SPAG16: variants seen among roughly 807,000 people sequenced by gnomAD.
SPAG16 encodes sperm associated antigen 16.
Under a neutral mutation model 80.4 loss-of-function variants are expected in SPAG16, and 86 were observed. The observed-to-expected ratio is 1.07, with a 90% CI of 0.90 to 1.28. The LOEUF (loss-of-function observed/expected upper bound fraction) is 1.28. Among genes scored for constraint, SPAG16 ranks in the 50% most tolerant of loss-of-function variants. SPAG16 has a pLI of 0.00. For missense variants in SPAG16, 870 were observed against 765.3 expected (o/e 1.14, Z -1.61); for synonymous variants, 294 against 265.9 (o/e 1.11, Z -1.03).
chr2:213,766,623 G>A (rs966561156), intron 10 of SPAG16, among the ~76,000 whole-genome samples: 4 of 152,102 alleles, frequency 2.6e-5, no homozygotes, highest in South Asian at 2.1e-4. Context: ...TCTCAGTGTC[G>A]AGAAAGCACC....
At chr2:213,475,529 A>G (rs2073324683) in intron 9 of SPAG16, among the ~76,000 whole-genome samples, 1 of 152,132 alleles carries the variant, frequency 6.6e-6, no homozygotes, top group South Asian at 2.1e-4. Flanking sequence ...CTAATCTTGA[A>G]TTTGAAGCAT....
intron 15 of SPAG16, among the ~76,000 whole-genome samples, chr2:214,247,985 A>G (rs1689971418): frequency 6.6e-6 from 1 of 152,082 alleles, no homozygotes; most frequent in South Asian, 2.1e-4. Context: ...CCATGATCAC[A>G]CTATTACACT....
chr2:213,370,462 T>C (rs1390166898), intron 8 of SPAG16, among the ~76,000 whole-genome samples: 3 of 152,188 alleles, frequency 2.0e-5, no homozygotes, highest in Non-Finnish European at 4.4e-5. Flanking sequence ...AAAATTGTTT[T>C]CATATTAAGA....
At chr2:213,664,185 G>A (rs1451184353) in intron 10 of SPAG16, among the ~76,000 whole-genome samples, 1 of 152,036 alleles carries the variant, frequency 6.6e-6, no homozygotes, top group Non-Finnish European at 1.5e-5. Flanking sequence ...TGACCCGTTG[G>A]TATCCACTTT....
chr2:214,205,932 A>G (rs1441492674), intron 15 of SPAG16, among the ~76,000 whole-genome samples: 1 of 152,112 alleles, frequency 6.6e-6, no homozygotes, highest in Non-Finnish European at 1.5e-5. Context: ...GCAGTGGCTG[A>G]CACCTGTAGT....
chr2:213,756,095 A>G (rs1013031758), intron 10 of SPAG16, among the ~76,000 whole-genome samples: 2 of 152,226 alleles, frequency 1.3e-5, no homozygotes, highest in East Asian at 3.8e-4. Context: ...GTCAGAGTGA[A>G]CATAACAAAT....
At chr2:214,264,453 T>C (rs945235833) in intron 15 of SPAG16, among the ~76,000 whole-genome samples, 1 of 152,168 alleles carries the variant, frequency 6.6e-6, no homozygotes. Context: ...TTTTTTTATT[T>C]AATAGACTTT....
intron 11 of SPAG16, among the ~76,000 whole-genome samples, chr2:213,875,108 AT>A (rs5838401): frequency 0.59 from 86,054 of 145,386 alleles, 26,713 homozygotes; most frequent in South Asian, 0.84. Context: ...CATCAAACTA[AT>A]TTTTTTTTTT....
chr2:214,292,043 GT>G (rs755224047), intron 15 of SPAG16, among the ~76,000 whole-genome samples: 3 of 151,382 alleles, frequency 2.0e-5, no homozygotes, highest in East Asian at 1.9e-4. Flanking sequence ...TGGGAAGTTT[GT>G]TTTTTTTTAA....
At chr2:213,457,769 G>A (rs546302106) in intron 9 of SPAG16, among the ~76,000 whole-genome samples, 1 of 152,154 alleles carries the variant, frequency 6.6e-6, no homozygotes, top group African/African-American at 2.4e-5. Flanking sequence ...CTGTCTGACA[G>A]CATACTTATT....
chr2:214,408,413 G>A (rs1353784475), intron 15 of SPAG16, among the ~76,000 whole-genome samples: 1 of 152,068 alleles, frequency 6.6e-6, no homozygotes, highest in Non-Finnish European at 1.5e-5. Flanking sequence ...AGTAGAAAAT[G>A]GTTTATAATA....
chr2:214,139,142 T>C (rs1054924458), intron 14 of SPAG16, among the ~76,000 whole-genome samples: 3 of 152,260 alleles, frequency 2.0e-5, no homozygotes, highest in African/African-American at 7.2e-5. Context: ...GTTTTCCTCT[T>C]TATTTCTTGT....
chr2:213,315,536 C>T (rs958192690), intron 4 of SPAG16, among the ~76,000 whole-genome samples: 5 of 151,972 alleles, frequency 3.3e-5, no homozygotes, highest in Non-Finnish European at 4.4e-5. Context: ...AAGAGAAGAA[C>T]CGCCCTAGAT....
Position 214,102,869 on chromosome 2 carries a change from G to A in SPAG16, c.1528-5327G>A, listed in dbSNP as rs549582709. ...AAGAAAGGAAAATTCGTTTGGAAGA[G>A]ACCTAAGCGGGCTCATGAAGGATCA... On this transcript the variant is annotated intron_variant, in intron 13 of 15. Transcript: ENST00000331683. Among the ~76,000 whole-genome samples the A allele has an allele frequency of 3.9e-5, 6 of 152,214 alleles. No individual in the cohort carries two copies. In the South Asian group the frequency reaches 1.2e-3, roughly 32 times the overall value.
At chr2:214,212,330 C>T (rs1384080324) in intron 15 of SPAG16, among the ~76,000 whole-genome samples, 2 of 152,098 alleles carry the variant, frequency 1.3e-5, no homozygotes, top group African/African-American at 4.8e-5. Context: ...AAGTTTTACT[C>T]AAGTATCACC....
intron 8 of SPAG16, among the ~76,000 whole-genome samples, chr2:213,366,015 G>A (rs1425222394): frequency 2.3e-4 from 34 of 148,756 alleles, no homozygotes; most frequent in East Asian, 2.2e-3. Context: ...AGTGGCGGGC[G>A]CCTGTAGTCC....
chr2:213,973,241 A>G (rs1275647126), intron 12 of SPAG16, among the ~76,000 whole-genome samples: 5 of 152,074 alleles, frequency 3.3e-5, no homozygotes, highest in Non-Finnish European at 1.5e-5. Flanking sequence ...CTCATTTCCC[A>G]AAGAAATTAC....
chr2:213,751,929 C>T lies in SPAG16; in HGVS notation c.1071-110556C>T, dbSNP rs531809374. On this transcript the variant is annotated intron_variant, in intron 10 of 15. Transcript: ENST00000331683. ...AGCTTATGGCCAGTCTTGAGAGAGA[C>T]CACAAAACCAAATTGGAAACAATTC... Among the ~76,000 whole-genome samples, 8 of 152,100 alleles carry T rather than the reference C, an allele frequency of 5.3e-5. No individual in the cohort carries two copies. In the South Asian group the frequency reaches 1.7e-3, roughly 32 times the overall value.
In SPAG16 at chr2:213,700,728, G is replaced by C. The variant is rs572384711; in HGVS notation, c.1071-161757G>C. Among the ~76,000 whole-genome samples the C allele has an allele frequency of 2.0e-5, 3 of 152,278 alleles. No homozygotes were observed. In the East Asian group the frequency reaches 5.8e-4, roughly 29 times the overall value. Reference sequence around the variant, plus strand: ...GAAAATGAGTGTTATTCATTGATAAGAATTCAATTAATCTATACAAAGGTC... The same window carrying C: ...GAAAATGAGTGTTATTCATTGATAACAATTCAATTAATCTATACAAAGGTC... On this transcript the variant is annotated intron_variant, in intron 10 of 15. Coordinates refer to ENST00000331683, the MANE Select transcript of SPAG16 (RefSeq NM_024532.5).
Sources: allele counts gnomAD v4.1 joint callset (sites outside exome capture counted in the v4.1 genomes callset), GRCh38; gene constraint gnomAD v4.1.1; transcripts MANE v1.5; gene names NCBI Gene and HGNC (gene_info 2026-07-23, HGNC 2026-07-21).